The following PBX1 variants were observed in gnomAD, a reference collection of about 807,000 sequenced individuals.
PBX1 encodes PBX homeobox 1.
In PBX1, 6 loss-of-function variants were observed where a neutral mutation model predicts 53.4. That is an observed-to-expected ratio of 0.11 (90% CI 0.06 to 0.22). The LOEUF (loss-of-function observed/expected upper bound fraction) is 0.22. Among genes scored for constraint, PBX1 ranks in the 10% least tolerant of loss-of-function variants. The probability of loss-of-function intolerance (pLI) is 1.00; values close to 1 mark genes in which losing one functional copy is unlikely to be tolerated. For synonymous variants in PBX1, 204 were observed against 212.3 expected (o/e 0.96, Z 0.34); for missense variants, 251 against 551.4 (o/e 0.46, Z 5.46).
chr1:164,720,403 A>G (rs1483104823), intron 2 of PBX1, among the ~76,000 whole-genome samples: 1 of 152,168 alleles, frequency 6.6e-6, no homozygotes, highest in African/African-American at 2.4e-5. Context: ...CGTACTGCCA[A>G]GGATCCTGAA....
chr1:164,712,207 G>A (rs1018201115), intron 2 of PBX1, among the ~76,000 whole-genome samples: 5 of 146,818 alleles, frequency 3.4e-5, no homozygotes, highest in African/African-American at 5.0e-5. Context: ...CCCACTGCCA[G>A]TCGGGCAGCT....
At chr1:164,588,386 C>T (rs1413510550) in intron 2 of PBX1, among the ~76,000 whole-genome samples, 7 of 144,132 alleles carry the variant, frequency 4.9e-5, no homozygotes, top group African/African-American at 1.3e-4. Flanking sequence ...AAAAATCACA[C>T]GGTAAAAGTT....
intron 2 of PBX1, among the ~76,000 whole-genome samples, chr1:164,746,121 G>A (rs537087470): frequency 1.1e-4 from 16 of 152,128 alleles, no homozygotes; most frequent in East Asian, 1.9e-4. Flanking sequence ...TTTTCCTTCA[G>A]CCAAAGAAAA....
intron 4 of PBX1, among the ~76,000 whole-genome samples, chr1:164,805,549 A>G (rs1179922464): frequency 1.3e-5 from 2 of 152,196 alleles, no homozygotes; most frequent in African/African-American, 2.4e-5. Flanking sequence ...AAGAGTCCCA[A>G]AAAATACACA....
intron 8 of PBX1, among the ~76,000 whole-genome samples, chr1:164,834,027 ATATGTGTGTGTGTG>A (rs1419968225): frequency 1.2e-3 from 92 of 79,292 alleles, no homozygotes; most frequent in African/African-American, 4.5e-3. Flanking sequence ...ATATATATGT[ATATGTGTGTGTGTG>A]TGTGTGTGTG....
intron 2 of PBX1, among the ~76,000 whole-genome samples, chr1:164,764,771 T>G (rs533941310): frequency 1.6e-4 from 25 of 152,330 alleles, no homozygotes; most frequent in African/African-American, 6.0e-4. Flanking sequence ...TTGAAATGCG[T>G]AGGTTTCTTA....
At chr1:164,884,179 T>A (rs1006735011) in intron 2 of PBX1, among the ~76,000 whole-genome samples, 1 of 152,218 alleles carries the variant, frequency 6.6e-6, no homozygotes, top group Non-Finnish European at 1.5e-5. Context: ...CAAGCTAATG[T>A]AGGAGAAAGT....
chr1:164,560,510 G>T, intron 1 of PBX1: 1 of 258,078 alleles, frequency 3.9e-6, no homozygotes, highest in Non-Finnish European at 7.2e-6. Flanking sequence ...TTTCTTTCTT[G>T]ACTCTCCCGT....
rs1298239463 is a variant in PBX1 at position 164,851,458 on chromosome 1, T to C, written c.*4782T>C. The C allele has an allele frequency of 5.2e-6, 1 of 192,582 alleles. No homozygotes were observed. The highest frequency in any genetic ancestry group is 1.1e-5 in the Non-Finnish European group (1 of 94,242). 11.9% of individuals were successfully genotyped at this position (192,582 alleles called of 1,614,324 possible). On this transcript the variant is annotated 3_prime_UTR_variant, in exon 9 of 9. Coordinates refer to ENST00000420696, the MANE Select transcript of PBX1 (RefSeq NM_002585.4). ...GCTCAAAGCTTCCTGGAATCTTTTA[T>C]TTTTTGTAAACTTTTTTTTCTTTTG...
intron 2 of PBX1, among the ~76,000 whole-genome samples, chr1:164,864,938 T>C (rs1672181785): frequency 6.6e-6 from 1 of 152,126 alleles, no homozygotes; most frequent in East Asian, 1.9e-4. Flanking sequence ...GATGGTGCCA[T>C]GGAGCTCATG....
At chr1:164,799,317 C>T (rs1179952849) in intron 3 of PBX1, among the ~76,000 whole-genome samples, 2 of 151,914 alleles carry the variant, frequency 1.3e-5, no homozygotes, top group African/African-American at 2.4e-5. Flanking sequence ...AGTGAAACCC[C>T]GTCTCTACTA....
At chr1:164,690,496 G>A (rs577254793) in intron 2 of PBX1, among the ~76,000 whole-genome samples, 8 of 152,108 alleles carry the variant, frequency 5.3e-5, no homozygotes, top group Admixed American at 2.6e-4. Context: ...TTGTTCGGGC[G>A]CAGTGGCTCA....
At chr1:164,822,868 C>T (rs1670229803) in intron 8 of PBX1, among the ~76,000 whole-genome samples, 1 of 152,174 alleles carries the variant, frequency 6.6e-6, no homozygotes, top group Non-Finnish European at 1.5e-5. Flanking sequence ...AGTAAGAGTC[C>T]TCCAAAGAAG....
rs553001808 is a variant in PBX1, at chr1:164,660,800, C to T, written c.265+97489C>T. Among the ~76,000 whole-genome samples the T allele has an allele frequency of 2.0e-5, 3 of 152,268 alleles. No individual in the cohort carries two copies. In the South Asian group the frequency reaches 6.2e-4, roughly 32 times the overall value. Reference sequence around the variant, plus strand: ...GTATATTATTTCTTCTTCATTTTAACAATAATATAGATTGTGGTCTGTGCC... The same window carrying T: ...GTATATTATTTCTTCTTCATTTTAATAATAATATAGATTGTGGTCTGTGCC... On this transcript the variant is annotated intron_variant, in intron 2 of 8. Coordinates refer to ENST00000420696, the MANE Select transcript of PBX1 (RefSeq NM_002585.4).
chr1:164,795,505 G>A (rs1668735161), intron 3 of PBX1, among the ~76,000 whole-genome samples: 1 of 152,162 alleles, frequency 6.6e-6, no homozygotes, highest in Non-Finnish European at 1.5e-5. Context: ...AGCAAATTAT[G>A]TTCAGTGTAG....
At chr1:164,625,553 A>C (rs979231197) in intron 2 of PBX1, among the ~76,000 whole-genome samples, 1 of 152,148 alleles carries the variant, frequency 6.6e-6, no homozygotes, top group African/African-American at 2.4e-5. Context: ...TAAAAATGAG[A>C]AGTAATTTTT....
intron 2 of PBX1, among the ~76,000 whole-genome samples, chr1:164,686,334 A>C (rs1039546348): frequency 6.6e-6 from 1 of 152,122 alleles, no homozygotes; most frequent in African/African-American, 2.4e-5. Context: ...AAATATCAAC[A>C]TTTTACCAGG....
Position 164,722,979 on chromosome 1 carries a change from A to G in PBX1, c.266-69515A>G, listed in dbSNP as rs190494905. On this transcript the variant is annotated intron_variant, in intron 2 of 8. Transcript: ENST00000420696. Reference sequence around the variant, plus strand: ...GAGTCATCAGATGTATCTTAGGGTCATATGGTTTGCAGAAATGGTGAACTT... The same window carrying G: ...GAGTCATCAGATGTATCTTAGGGTCGTATGGTTTGCAGAAATGGTGAACTT... Among the ~76,000 whole-genome samples, 82 of 152,298 alleles carry G rather than the reference A, an allele frequency of 5.4e-4. No homozygotes were observed. The South Asian group carries it at 6.0e-3, about 11-fold the overall frequency.
chr1:164,571,295 A>G (rs373756072), intron 2 of PBX1, among the ~76,000 whole-genome samples: 1 of 152,172 alleles, frequency 6.6e-6, no homozygotes, highest in East Asian at 1.9e-4. Flanking sequence ...CATTTTTATC[A>G]GCCTCCTTGC....
Sources: allele counts gnomAD v4.1 joint callset (sites outside exome capture counted in the v4.1 genomes callset), GRCh38; gene constraint gnomAD v4.1.1; transcripts MANE v1.5; gene names NCBI Gene and HGNC (gene_info 2026-07-23, HGNC 2026-07-21).